The following TMC7 variants were observed in gnomAD, a reference collection of about 807,000 sequenced individuals.
The protein encoded by TMC7 is transmembrane channel-like protein 7.
In TMC7, 54 loss-of-function variants were observed where a neutral mutation model predicts 82.9. The observed-to-expected ratio is 0.65, with a 90% CI of 0.52 to 0.82. TMC7 has a LOEUF of 0.82. TMC7 is among the 40% of genes least tolerant of loss of function. TMC7 has a pLI of 0.00. For synonymous variants in TMC7, 350 were observed against 337.9 expected, an observed-to-expected ratio of 1.04 and a Z score of -0.39; for missense variants, 820 against 901.2, an observed-to-expected ratio of 0.91 and a Z score of 1.15.
intron 4 of TMC7, 137 bp downstream of exon 4, chr16:19,021,933 A>G: frequency 9.6e-7 from 1 of 1,038,252 alleles, no homozygotes; most frequent in South Asian, 1.7e-5. Flanking sequence ...GTTATGCTGC[A>G]GAAACAAGTG....
intron 15 of TMC7, 175 bp downstream of exon 15, chr16:19,059,669 A>C: frequency 6.5e-7 from 1 of 1,540,150 alleles, no homozygotes; most frequent in Non-Finnish European, 8.7e-7. Flanking sequence ...TCACTGATTC[A>C]TCCATTCCTT....
At chr16:19,040,577 A>C (rs1960968011) in intron 9 of TMC7, 131 bp downstream of exon 9, 1 of 752,074 alleles carries the variant, frequency 1.3e-6, no homozygotes, top group African/African-American at 1.7e-5. Flanking sequence ...CTCAACCTTC[A>C]GACAGCCCCC....
intron 2 of TMC7, among the ~76,000 whole-genome samples, chr16:19,010,066 CTTCCTTTCCT>C (rs566370782): frequency 9.5e-5 from 11 of 115,844 alleles, no homozygotes; most frequent in Admixed American, 2.2e-4. Context: ...CTTTCTTCTT[CTTCCTTTCCT>C]TTCCTTTCCT....
chr16:19,037,253 T>G (rs58521713), intron 7 of TMC7, among the ~76,000 whole-genome samples: 3,197 of 151,610 alleles, frequency 0.021, 80 homozygotes, highest in Middle Eastern at 0.054. Flanking sequence ...CTGGGCATGG[T>G]GGTGCATGCC....
chr16:19,047,586 G>A (rs1961338655), intron 12 of TMC7, among the ~76,000 whole-genome samples: 1 of 151,720 alleles, frequency 6.6e-6, no homozygotes, highest in Non-Finnish European at 1.5e-5. Flanking sequence ...TAGTAGAGAC[G>A]GGGTTTCACC....
At chr16:19,007,681 A>T (rs980335499) in intron 1 of TMC7, among the ~76,000 whole-genome samples, 14 of 151,960 alleles carry the variant, frequency 9.2e-5, no homozygotes, top group Non-Finnish European at 2.1e-4. Context: ...AAAAAAAAAA[A>T]AATAAATAAA....
At chr16:19,038,110 T>C (rs534113408) in intron 8 of TMC7, 63 bp downstream of exon 8, 1 of 1,480,790 alleles carries the variant, frequency 6.8e-7, no homozygotes, top group South Asian at 1.3e-5. Context: ...GTGAGGTAGA[T>C]ACCATCGTCA....
chr16:19,005,641 C>A (rs987713816), intron 1 of TMC7, among the ~76,000 whole-genome samples: 1 of 152,188 alleles, frequency 6.6e-6, no homozygotes, highest in Non-Finnish European at 1.5e-5. Context: ...GGCCCCTGAC[C>A]CCACAGCTGT....
intron 1 of TMC7, among the ~76,000 whole-genome samples, chr16:19,006,208 T>G (rs1480230457): frequency 6.6e-6 from 1 of 151,866 alleles, no homozygotes; most frequent in Non-Finnish European, 1.5e-5. Flanking sequence ...GTGACCTTTT[T>G]TTTTTTTTTT....
Position 19,045,192 on chromosome 16 carries a change from G to C in TMC7, c.1456-149G>C, listed in dbSNP as rs546450132. Reference sequence around the variant, plus strand: ...TCTGAGGGCTTGGAAACCAAGGTCTGTGCTGAGGCTCAGAGTTTGCATCAG... The same window carrying C: ...TCTGAGGGCTTGGAAACCAAGGTCTCTGCTGAGGCTCAGAGTTTGCATCAG... On this transcript the variant is annotated intron_variant, in intron 10 of 15. Transcript: ENST00000304381. 1,705 of 828,424 alleles carry C rather than the reference G, an allele frequency of 2.1e-3. 43 individuals carry two copies. The South Asian group carries it at 0.025, about 12-fold the overall frequency. The allele number at this position is 828,424 out of a possible 1,614,324, so 51.3% of individuals were successfully genotyped here.
intron 1 of TMC7, among the ~76,000 whole-genome samples, chr16:19,005,795 C>T (rs1036743140): frequency 1.3e-5 from 2 of 152,164 alleles, no homozygotes; most frequent in Non-Finnish European, 2.9e-5. Flanking sequence ...CCCACCCTAC[C>T]CTCATATTGG....
intron 5 of TMC7, among the ~76,000 whole-genome samples, chr16:19,029,166 C>T (rs1336348699): frequency 4.0e-5 from 6 of 151,452 alleles, no homozygotes; most frequent in African/African-American, 7.3e-5. Context: ...CCACCACACC[C>T]GGCTAATTTT....
At chr16:18,996,128 G>T (rs1483062852) in intron 1 of TMC7, among the ~76,000 whole-genome samples, 1 of 152,126 alleles carries the variant, frequency 6.6e-6, no homozygotes, top group Non-Finnish European at 1.5e-5. Context: ...AGGAGGGGAG[G>T]TGACAGATAG....
At chr16:19,028,640 C>A (rs1236032800) in intron 5 of TMC7, among the ~76,000 whole-genome samples, 1 of 151,566 alleles carries the variant, frequency 6.6e-6, no homozygotes, top group East Asian at 1.9e-4. Flanking sequence ...TTCTTTAGAG[C>A]TTCTTTAATT....
intron 2 of TMC7, chr16:19,012,045 AC>A (rs1959382295): frequency 6.6e-6 from 1 of 151,380 alleles, no homozygotes; most frequent in African/African-American, 2.4e-5. Context: ...AGGGAAGATC[AC>A]CTGAGCCCAG....
In TMC7 at chr16:19,009,271, T is replaced by C; in HGVS notation, c.167T>C (p.Val56Ala). Residue 56 changes from valine (V) to alanine (A), a missense_variant, in exon 2 of 16, where the codon GTC (valine) becomes GCC (alanine). By Grantham distance (64) the Val-to-Ala change is moderately conservative. Coordinates refer to ENST00000304381, the MANE Select transcript of TMC7 (RefSeq NM_024847.4). ...TCCATTGCACGTAGGAGAACGACTG[T>C]CCATTCCCGGGACAAGCAAAGCGGA... Reference protein sequence around the residue: ...YRSIARRRTTVHSRDKQSGTL... With the variant: ...YRSIARRRTTAHSRDKQSGTL... 6.2e-7 allele frequency: 1 copy of C among 1,614,172 alleles called. No homozygotes were observed. Among genetic ancestry groups the C allele is most frequent in the Admixed American group, 1.7e-5 (1 of 59,998 alleles).
intron 5 of TMC7, among the ~76,000 whole-genome samples, chr16:19,026,876 C>T (rs951035699): frequency 6.6e-6 from 1 of 151,792 alleles, no homozygotes; most frequent in Non-Finnish European, 1.5e-5. Flanking sequence ...ATTCTCCTGC[C>T]TCAGCCTCCC....
intron 1 of TMC7, among the ~76,000 whole-genome samples, chr16:18,997,656 C>T (rs890404015): frequency 1.2e-4 from 18 of 152,122 alleles, no homozygotes; most frequent in South Asian, 1.0e-3. Context: ...GCCACCGCAC[C>T]CAGCCACCGC....
chr16:18,995,436 G>T (rs1253658643), intron 1 of TMC7, among the ~76,000 whole-genome samples: 1 of 152,228 alleles, frequency 6.6e-6, no homozygotes, highest in Non-Finnish European at 1.5e-5. Context: ...CAGTCAGCGA[G>T]CCTTGGGCCA....
Sources: allele counts gnomAD v4.1 joint callset (sites outside exome capture counted in the v4.1 genomes callset), GRCh38; gene constraint gnomAD v4.1.1; transcripts MANE v1.5; gene names NCBI Gene and HGNC (gene_info 2026-07-23, HGNC 2026-07-21).